TRPM5: variants seen among roughly 807,000 people sequenced by gnomAD.
TRPM5 encodes transient receptor potential cation channel subfamily M member 5.
TRPM5 carries 121 observed loss-of-function variants against 124.9 expected under a neutral mutation model. The ratio of observed to expected loss-of-function variants is 0.97; its 90% CI spans 0.84 to 1.13. The LOEUF is 1.13. TRPM5 is among the 50% of genes most tolerant of loss of function. The probability of loss-of-function intolerance (pLI) is 0.00; values close to 1 mark genes in which losing one functional copy is unlikely to be tolerated. For synonymous variants in TRPM5, 781 were observed against 700.5 expected (o/e 1.11, Z -1.81); for missense variants, 1,643 against 1,589.1 (o/e 1.03, Z -0.58).
At chr11:2,412,633 G>T in intron 15 of TRPM5, 121 bp downstream of exon 20, 1 of 1,080,248 alleles carries the variant, frequency 9.3e-7, no homozygotes. Context: ...AAGATGGGAG[G>T]CCCCCATGCT....
chr11:2,416,696 C>T (rs1000644720), intron 7 of TRPM5, among the ~76,000 whole-genome samples: 8 of 152,206 alleles, frequency 5.3e-5, no homozygotes, highest in African/African-American at 1.9e-4. Context: ...TCCAGACACC[C>T]TTCCCAGAGC....
rs11602077 is a variant in TRPM5, at chr11:2,413,955, G to A, written c.1890+106C>T. The A allele has an allele frequency of 3.4e-3, 4,880 of 1,456,320 alleles. 11 individuals are homozygous for A. The highest frequency in any genetic ancestry group is 4.1e-3 in the Non-Finnish European group (4,411 of 1,073,970). 90.2% of individuals were successfully genotyped at this position (1,456,320 alleles called of 1,614,324 possible). Reference sequence around the variant, plus strand: ...ACCCCGCCCCCTCTGTGCTGAGGACGGGAGTGACAGGGCAGCTGCAGGCTG... The same window carrying A: ...ACCCCGCCCCCTCTGTGCTGAGGACAGGAGTGACAGGGCAGCTGCAGGCTG... On this transcript the variant is annotated intron_variant, in intron 12 of 23. Transcript: ENST00000155858.
rs371262875 is a variant in TRPM5, at chr11:2,412,706, A to G, written c.2355+48T>C. 27 of 1,522,104 alleles carry G rather than the reference A, an allele frequency of 1.8e-5. No homozygotes were observed. The East Asian group carries it at 4.6e-4, about 26-fold the overall frequency. 94.3% of individuals were successfully genotyped at this position (1,522,104 alleles called of 1,614,324 possible). On this transcript the variant is annotated intron_variant, in intron 15 of 23. Transcript: ENST00000155858. ...GGCAGGACCCAGCTTAGGTTGCCCA[A>G]CCTGAAGCTGCAGAGTGGAGGGGAC...
intron 1 of TRPM5, 113 bp downstream of exon 6, chr11:2,422,807 G>T: frequency 1.1e-6 from 1 of 905,836 alleles, no homozygotes; most frequent in Non-Finnish European, 1.8e-6. Context: ...CCCCAGGGGA[G>T]CAGACCCCAG....
intron 16 of TRPM5, 93 bp from the exon 22 acceptor site, chr11:2,411,860 G>A: frequency 6.6e-7 from 1 of 1,525,956 alleles, no homozygotes; most frequent in South Asian, 1.2e-5. Flanking sequence ...GGCAGGGCCA[G>A]GGCCAGGCCA....
At position 2,415,016 on chromosome 11, in the gene TRPM5, TGG is replaced by T; in HGVS notation, c.1509_1510del (p.Gln504GlufsTer78). The T allele has an allele frequency of 6.2e-7, 1 of 1,604,418 alleles. No homozygotes were observed. The highest frequency in any genetic ancestry group is 8.5e-7 in the Non-Finnish European group (1 of 1,179,582). ...CTGGTTCAGGTCCAGCAGCCACTTC[TGG>T]CCCGTGGGCCGCTTGGCCGGGCCCT... On this transcript the variant is annotated frameshift_variant, in exon 10 of 24. Transcript: ENST00000155858. LOFTEE classifies it high-confidence loss of function.
chr11:2,425,749 T>C (rs542959469), upstream of TRPM5, among the ~76,000 whole-genome samples: 3 of 152,148 alleles, frequency 2.0e-5, no homozygotes, highest in Non-Finnish European at 4.4e-5. Flanking sequence ...CAGCTGGGGA[T>C]GCATGGCCAG....
At chr11:2,414,169 G>A (rs774383543) in exon 12 of TRPM5, 16 of 1,609,752 alleles carry the variant, frequency 9.9e-6, no homozygotes, top group African/African-American at 5.3e-5. Flanking sequence ...GGGCGAAGGC[G>A]CGGGCCTCAC....
intron 7 of TRPM5, 40 bp downstream of exon 12, chr11:2,417,687 C>A (rs765201470): frequency 2.0e-6 from 3 of 1,513,640 alleles, no homozygotes; most frequent in Non-Finnish European, 2.7e-6. Flanking sequence ...GCATGAAGCC[C>A]CCCAATGGCG....
intron 7 of TRPM5, among the ~76,000 whole-genome samples, chr11:2,416,861 G>A (rs1386116303): frequency 6.6e-6 from 1 of 152,180 alleles, no homozygotes; most frequent in Non-Finnish European, 1.5e-5. Context: ...GTGAACAGAC[G>A]CATCAACCAC....
At chr11:2,417,918 C>T (rs1245918197) in intron 6 of TRPM5, 89 bp from the exon 12 acceptor site, 2 of 1,289,018 alleles carry the variant, frequency 1.6e-6, no homozygotes, top group African/African-American at 1.5e-5. Context: ...TAGGCACAGG[C>T]AGCGTCCCCA....
At chr11:2,437,411 G>T in the TRPM5 span, among the ~76,000 whole-genome samples, 7 of 152,144 alleles carry the variant, frequency 4.6e-5, no homozygotes, top group African/African-American at 1.7e-4. This position sits in a 1 kb window ranked among gnomAD's most constrained non-coding sequence, Gnocchi z 5.6. Context: ...TGGGTGGGGG[G>T]TGCCTTTCTC....
rs751125016 is a variant in TRPM5 at position 2,406,069 on chromosome 11, G to C, written c.3274C>G (p.Leu1092Val). ...TTTTCTTGCTCTCTCAGACCCCCGA[G>C]GTACTTGGCAATGAAGTCCACTCTG... is the stretch of plus-strand genomic sequence containing the variant. Residue 1092 changes from leucine (L) to valine (V), a missense_variant, in exon 22 of 24, where the codon CTC (leucine) becomes GTC (valine). By Grantham distance (32) the Leu-to-Val change is conservative. Coordinates refer to ENST00000155858, the Ensembl canonical transcript of TRPM5. 3.7e-6 allele frequency: 6 copies of C among 1,612,056 alleles called. 1 individual carries two copies. In the South Asian group the frequency reaches 6.6e-5, roughly 18 times the overall value.
intron 1 of TRPM5, 48 bp from the exon 7 acceptor site, chr11:2,422,369 G>A (rs1464984625): frequency 6.5e-7 from 1 of 1,533,766 alleles, no homozygotes; most frequent in East Asian, 2.4e-5. Context: ...CGGGGCATGG[G>A]AGCTGCTGGG....
chr11:2,415,838 G>A, intron 8 of TRPM5, 68 bp downstream of exon 13: 1 of 1,185,954 alleles, frequency 8.4e-7, no homozygotes, highest in Non-Finnish European at 1.2e-6. Context: ...CAGGGTGCAG[G>A]AGCAGGCAGC....
At chr11:2,420,299 G>T in exon 4 of TRPM5, 1 of 1,612,452 alleles carries the variant, frequency 6.2e-7, no homozygotes, top group Admixed American at 1.7e-5. Context: ...GCCCTTCCCC[G>T]GGGGGCCTGG....
chr11:2,420,544 C>T (rs866641072), intron 3 of TRPM5, 139 bp from the exon 9 acceptor site: 3 of 869,408 alleles, frequency 3.5e-6, no homozygotes, highest in Non-Finnish European at 3.4e-6. Flanking sequence ...TTGGTTTCCC[C>T]ACCCTTCAGA....
exon 20 of TRPM5, chr11:2,407,176 T>A (rs1255024284): frequency 6.2e-7 from 1 of 1,611,546 alleles, no homozygotes; most frequent in African/African-American, 1.3e-5. Context: ...AGCGTCAGGC[T>A]CAGGTGGCTG....
chr11:2,414,664 C>A, intron 11 of TRPM5, 51 bp downstream of exon 16: 1 of 1,479,772 alleles, frequency 6.8e-7, no homozygotes, highest in Non-Finnish European at 8.9e-7. Context: ...CCGACCCCTC[C>A]GTCACATCCT....
Sources: gnomAD v4.1 joint callset for allele counts (sites outside exome capture counted in the v4.1 genomes callset) on GRCh38, gnomAD v4.1.1 for gene constraint, Gnocchi (gnomAD v3.1) non-coding constraint, MANE v1.5 for transcripts, NCBI Gene and HGNC (gene_info 2026-07-23, HGNC 2026-07-21) for gene names.